DLGAP2: variants seen among roughly 807,000 people sequenced by gnomAD.
DLGAP2 encodes the protein disks large-associated protein 2.
DLGAP2 carries 26 observed loss-of-function variants against 100.3 expected under a neutral mutation model. The observed-to-expected ratio is 0.26, with a 90% CI of 0.19 to 0.36. The LOEUF (loss-of-function observed/expected upper bound fraction) is 0.36, where lower values mean the gene tolerates loss of function less well. Ranked by LOEUF, DLGAP2 falls within the 10% of genes least tolerant of loss-of-function variation. DLGAP2 has a pLI of 1.00. For synonymous variants in DLGAP2, 886 were observed against 630.1 expected, an observed-to-expected ratio of 1.41 and a Z score of -6.08; for missense variants, 1,858 against 1,453.2, an observed-to-expected ratio of 1.28 and a Z score of -4.53.
At chr8:1,129,360 G>A (rs766424341) in intron 2 of DLGAP2, among the ~76,000 whole-genome samples, 16 of 148,892 alleles carry the variant, frequency 1.1e-4, no homozygotes, top group African/African-American at 1.5e-4. Context: ...CTGAGATTGC[G>A]CCACTGCACT....
intron 2 of DLGAP2, among the ~76,000 whole-genome samples, chr8:917,735 C>T (rs1007198171): frequency 8.5e-5 from 13 of 152,102 alleles, no homozygotes; most frequent in African/African-American, 3.1e-4. Flanking sequence ...GGTGTGCCAC[C>T]ACGCCTGGCT....
intron 3 of DLGAP2, among the ~76,000 whole-genome samples, chr8:1,278,086 C>T (rs1353713468): frequency 6.6e-6 from 1 of 152,298 alleles, no homozygotes; most frequent in African/African-American, 2.4e-5. Flanking sequence ...CCTTTCTTTT[C>T]TCATTTATTC....
At chr8:1,624,620 C>T (rs114607472) in intron 6 of DLGAP2, among the ~76,000 whole-genome samples, 82 of 151,898 alleles carry the variant, frequency 5.4e-4, no homozygotes, top group African/African-American at 1.9e-3. Flanking sequence ...GTCAGGGATC[C>T]GTGTTAGCTC....
intron 3 of DLGAP2, among the ~76,000 whole-genome samples, chr8:1,351,915 GGCCGTGCGC>G (rs1801738322): frequency 1.1e-5 from 1 of 93,246 alleles, no homozygotes; most frequent in East Asian, 4.7e-4. Flanking sequence ...ACTGTGGAAA[GGCCGTGCGC>G]GTCCTGACTG....
intron 3 of DLGAP2, among the ~76,000 whole-genome samples, chr8:1,296,479 G>C (rs1389124800): frequency 6.6e-6 from 1 of 152,184 alleles, no homozygotes; most frequent in Non-Finnish European, 1.5e-5. Flanking sequence ...TATTGTATGT[G>C]TGTCTCCAGG....
chr8:1,368,228 G>A (rs1254649665), intron 3 of DLGAP2, among the ~76,000 whole-genome samples: 2 of 152,054 alleles, frequency 1.3e-5, no homozygotes, highest in South Asian at 2.1e-4. Flanking sequence ...GTGTGCAGGT[G>A]TGTATGCATG....
In DLGAP2 at chr8:1,704,136, TTTCAGCCAC is replaced by T. The variant is rs1799643511; in HGVS notation, c.*2734_*2742del. 1 of 152,668 alleles carries T rather than the reference TTTCAGCCAC, an allele frequency of 6.6e-6. No homozygotes were observed. The highest frequency in any genetic ancestry group is 6.5e-5 in the Admixed American group (1 of 15,286). The allele number at this position is 152,668 out of a possible 1,614,324, so 9.5% of individuals were successfully genotyped here. A position where few individuals can be genotyped will look rare whatever the true frequency, so the allele number is the denominator to read the frequency against. ...TGTGTTAGTCACTCGAGCTAGCTTA[TTTCAGCCAC>T]TTCTAGCAGATCATGCCATGGAGCT... On this transcript the variant is annotated 3_prime_UTR_variant, in exon 15 of 15. Transcript: ENST00000637795.
chr8:1,203,110 GT>G (rs1464195831), intron 2 of DLGAP2, among the ~76,000 whole-genome samples: 3 of 99,670 alleles, frequency 3.0e-5, no homozygotes, highest in Non-Finnish European at 6.5e-5. Context: ...TAGGGTTTTT[GT>G]TTGTTTGTTA....
At chr8:997,464 A>G (rs777648660) in intron 2 of DLGAP2, among the ~76,000 whole-genome samples, 1 of 152,228 alleles carries the variant, frequency 6.6e-6, no homozygotes, top group Non-Finnish European at 1.5e-5. Flanking sequence ...ACAACTGATC[A>G]CAAAGCCTTC....
chr8:1,040,248 C>T lies in DLGAP2; in HGVS notation c.73+132282C>T, dbSNP rs371469139. Among the ~76,000 whole-genome samples, 336 of 138,300 alleles carry T rather than the reference C, an allele frequency of 2.4e-3. 13 individuals carry two copies. In the South Asian group the frequency reaches 0.052, roughly 21 times the overall value. The allele number at this position is 138,300 out of a possible 152,430, so 90.7% of individuals were successfully genotyped here. A position where few individuals can be genotyped will look rare whatever the true frequency, so the allele number is the denominator to read the frequency against. On this transcript the variant is annotated intron_variant, in intron 2 of 14. Coordinates refer to ENST00000637795, the MANE Select transcript of DLGAP2 (RefSeq NM_001346810.2). ...GTCGGCTCGGTTTCTGTGGTCAGCT[C>T]GGTTTCCATGGTCAGCTCGGTGTGC... is the stretch of plus-strand genomic sequence containing the variant.
intron 1 of DLGAP2, among the ~76,000 whole-genome samples, chr8:870,751 GC>G (rs907821142): frequency 3.3e-5 from 5 of 152,128 alleles, no homozygotes; most frequent in Non-Finnish European, 7.3e-5. Flanking sequence ...CCTGGAGTGG[GC>G]TGTGGGTCTC....
intron 1 of DLGAP2, among the ~76,000 whole-genome samples, chr8:875,299 A>G (rs1191868909): frequency 6.6e-6 from 1 of 151,916 alleles, no homozygotes; most frequent in Non-Finnish European, 1.5e-5. Flanking sequence ...TTTTCCCCTC[A>G]TATGTCTCTG....
chr8:1,159,413 C>G (rs1282514880), intron 2 of DLGAP2, among the ~76,000 whole-genome samples: 1 of 152,202 alleles, frequency 6.6e-6, no homozygotes, highest in Non-Finnish European at 1.5e-5. Context: ...AAATGCATCT[C>G]AGAGCCCAGG....
intron 1 of DLGAP2, among the ~76,000 whole-genome samples, chr8:847,790 T>C (rs1053695234): frequency 6.6e-6 from 1 of 152,212 alleles, no homozygotes; most frequent in Admixed American, 6.5e-5. Context: ...TACACAGGCT[T>C]GAGTCACTGC....
intron 14 of DLGAP2, among the ~76,000 whole-genome samples, chr8:1,698,619 A>G (rs1413806485): frequency 6.6e-6 from 1 of 150,912 alleles, no homozygotes; most frequent in Non-Finnish European, 1.5e-5. Flanking sequence ...AGGTCCATGT[A>G]AGCCCTGCAT....
intron 2 of DLGAP2, among the ~76,000 whole-genome samples, chr8:913,376 A>T (rs1003677146): frequency 2.6e-5 from 4 of 152,152 alleles, no homozygotes; most frequent in African/African-American, 9.7e-5. Flanking sequence ...AATAAAGGAA[A>T]CTCAGTGGCC....
chr8:1,097,941 G>C (rs1327121661), intron 2 of DLGAP2, among the ~76,000 whole-genome samples: 2 of 151,100 alleles, frequency 1.3e-5, no homozygotes, highest in Non-Finnish European at 3.0e-5. Flanking sequence ...GCAGGCTTTT[G>C]CACCATGTTG....
chr8:1,108,310 A>G (rs966586132), intron 2 of DLGAP2, among the ~76,000 whole-genome samples: 3 of 152,212 alleles, frequency 2.0e-5, no homozygotes, highest in Admixed American at 1.3e-4. Context: ...CAGTGCAGTC[A>G]ATTTCTGAAA....
chr8:1,691,498 GT>G, intron 12 of DLGAP2, 36 bp from the exon 13 acceptor site: 1 of 1,572,014 alleles, frequency 6.4e-7, no homozygotes, highest in Non-Finnish European at 8.7e-7. Flanking sequence ...CAGTTTTGAA[GT>G]TGTTGTTTTT....
Sources: allele counts gnomAD v4.1 joint callset (sites outside exome capture counted in the v4.1 genomes callset), GRCh38; gene constraint gnomAD v4.1.1; transcripts MANE v1.5; gene names NCBI Gene and HGNC (gene_info 2026-07-23, HGNC 2026-07-21).